Variants in PPM1E observed in about 807,000 individuals in gnomAD.
The protein encoded by PPM1E is protein phosphatase 1E.
In PPM1E, 20 loss-of-function variants were observed where a neutral mutation model predicts 65.9. The observed-to-expected ratio is 0.30, with a 90% CI of 0.21 to 0.44. PPM1E has a LOEUF of 0.44. Ranked by LOEUF, PPM1E falls within the 20% of genes least tolerant of loss-of-function variation. The pLI is 1.00. For synonymous variants in PPM1E, 352 were observed against 374.9 expected, an observed-to-expected ratio of 0.94 and a Z score of 0.70; for missense variants, 713 against 953.1, an observed-to-expected ratio of 0.75 and a Z score of 3.32.
chr17:58,850,145 C>G (rs575085865), intron 1 of PPM1E, among the ~76,000 whole-genome samples: 1 of 152,066 alleles, frequency 6.6e-6, no homozygotes, highest in South Asian at 2.1e-4. Flanking sequence ...CTTCCTCCAT[C>G]CCTTTATTTT....
chr17:58,872,788 T>C (rs2051085662), intron 1 of PPM1E, among the ~76,000 whole-genome samples: 1 of 152,098 alleles, frequency 6.6e-6, no homozygotes, highest in African/African-American at 2.4e-5. Flanking sequence ...TTTCCATTTA[T>C]ATAGGCAGTT....
rs1330372176 is a variant in PPM1E at position 58,809,710 on chromosome 17, CTG to C, written c.464+53251_464+53252del. Among the ~76,000 whole-genome samples, 8 of 152,176 alleles carry C rather than the reference CTG, an allele frequency of 5.3e-5. No homozygotes were observed. In the East Asian group the frequency reaches 1.5e-3, roughly 29 times the overall value. ...CCTCATTTTTTTCATTGCCACTTAT[CTG>C]TTGAAGAAACCAGATCATTTGTTGG... On this transcript the variant is annotated intron_variant, in intron 1 of 6. Transcript: ENST00000308249.
chr17:58,830,688 T>A (rs951693041), intron 1 of PPM1E, among the ~76,000 whole-genome samples: 7 of 151,872 alleles, frequency 4.6e-5, no homozygotes, highest in Admixed American at 6.6e-5. Flanking sequence ...TTTTTTATTT[T>A]TTATTATTAT....
chr17:58,905,846 G>T (rs907973850), intron 1 of PPM1E, among the ~76,000 whole-genome samples: 1 of 152,088 alleles, frequency 6.6e-6, no homozygotes, highest in African/African-American at 2.4e-5. Flanking sequence ...ATGAGTAATG[G>T]TAGTCTCAGA....
At chr17:58,810,197 G>C (rs958101636) in intron 1 of PPM1E, among the ~76,000 whole-genome samples, 1 of 151,910 alleles carries the variant, frequency 6.6e-6, no homozygotes, top group Non-Finnish European at 1.5e-5. Flanking sequence ...TTCATATGTG[G>C]TGCTGTGTAC....
Position 58,844,287 on chromosome 17 carries a change from TA to T in PPM1E, c.464+87834del, listed in dbSNP as rs200155264. Among the ~76,000 whole-genome samples the T allele has an allele frequency of 9.1e-3, 1,384 of 151,956 alleles. 15 individuals carry two copies. Among genetic ancestry groups the T allele is most frequent in the African/African-American group, 0.021 (881 of 41,466 alleles). ...TTAAAAGTTACCAATGTTTCTGGTATAAAAAAAATTATAACTAATTGTAATT... is the reference window on the plus strand; with the variant it reads ...TTAAAAGTTACCAATGTTTCTGGTATAAAAAAATTATAACTAATTGTAATT... On this transcript the variant is annotated intron_variant, in intron 1 of 6. Transcript: ENST00000308249.
intron 1 of PPM1E, among the ~76,000 whole-genome samples, chr17:58,872,622 T>C (rs577139877): frequency 9.2e-5 from 14 of 152,342 alleles, no homozygotes; most frequent in Non-Finnish European, 1.8e-4. Flanking sequence ...GTGGGCTGGT[T>C]GCTGAAGGGT....
intron 1 of PPM1E, among the ~76,000 whole-genome samples, chr17:58,796,236 G>A (rs1253955885): frequency 6.6e-6 from 1 of 152,124 alleles, no homozygotes; most frequent in Non-Finnish European, 1.5e-5. Context: ...TAGAGACAGG[G>A]TCTCATTATG....
intron 1 of PPM1E, among the ~76,000 whole-genome samples, chr17:58,912,140 G>T (rs1022577752): frequency 2.0e-5 from 3 of 152,156 alleles, no homozygotes; most frequent in Admixed American, 1.3e-4. Flanking sequence ...AAGGGAGGGA[G>T]GGGGTAGGAG....
intron 2 of PPM1E, 65 bp downstream of exon 2, chr17:58,955,832 A>T: frequency 2.1e-6 from 3 of 1,459,892 alleles, no homozygotes; most frequent in Non-Finnish European, 2.7e-6. Flanking sequence ...TGGTCCACAG[A>T]AAATATCTGC....
chr17:58,948,726 G>C (rs1206782107), intron 1 of PPM1E, among the ~76,000 whole-genome samples: 3 of 152,098 alleles, frequency 2.0e-5, no homozygotes, highest in Non-Finnish European at 4.4e-5. Context: ...GTTTTCATTT[G>C]TTTCAAGGAA....
At chr17:58,903,589 A>G (rs1321749281) in intron 1 of PPM1E, among the ~76,000 whole-genome samples, 3 of 152,246 alleles carry the variant, frequency 2.0e-5, no homozygotes, top group Non-Finnish European at 2.9e-5. Flanking sequence ...TGGAGAACAA[A>G]TGAAAATTAA....
At chr17:58,950,865 G>A (rs963713909) in intron 1 of PPM1E, among the ~76,000 whole-genome samples, 3 of 145,148 alleles carry the variant, frequency 2.1e-5, no homozygotes, top group South Asian at 2.2e-4. Flanking sequence ...TGCAAGCTCC[G>A]CCTCCTGGGT....
chr17:58,925,949 A>T (rs1217022680), intron 1 of PPM1E, among the ~76,000 whole-genome samples: 1 of 152,160 alleles, frequency 6.6e-6, no homozygotes, highest in Non-Finnish European at 1.5e-5. Context: ...CATTCTCATC[A>T]ACAGTGTATG....
Position 58,953,824 on chromosome 17 carries a change from C to T in PPM1E, c.465-1825C>T, listed in dbSNP as rs142552683. 3.9e-4 allele frequency among the ~76,000 whole-genome samples: 59 copies of T among 151,678 alleles called. 1 individual carries two copies. In the East Asian group the frequency reaches 0.01, roughly 26 times the overall value. ...GTGCAATGGCACGATCTCGGCTCACCGCAACCTCCGCCTCCTGGGTTCAAG... is the reference window on the plus strand; with the variant it reads ...GTGCAATGGCACGATCTCGGCTCACTGCAACCTCCGCCTCCTGGGTTCAAG... On this transcript the variant is annotated intron_variant, in intron 1 of 6. Transcript: ENST00000308249.
intron 6 of PPM1E, 23 bp from the exon 7 acceptor site, chr17:58,979,951 C>G (rs1284680022): frequency 6.3e-7 from 1 of 1,581,560 alleles, no homozygotes; most frequent in Non-Finnish European, 8.6e-7. Context: ...GCTAATGATG[C>G]CCCTACACTC....
intron 1 of PPM1E, among the ~76,000 whole-genome samples, chr17:58,851,867 T>C (rs1415453874): frequency 2.0e-5 from 3 of 152,238 alleles, no homozygotes; most frequent in Non-Finnish European, 4.4e-5. Flanking sequence ...AGCTATGCCC[T>C]GCTCCCAGAG....
At chr17:58,893,728 A>G (rs1193426306) in intron 1 of PPM1E, among the ~76,000 whole-genome samples, 1 of 151,340 alleles carries the variant, frequency 6.6e-6, no homozygotes, top group Non-Finnish European at 1.5e-5. Context: ...TTATATGGGA[A>G]CTCTCTGTAC....
chr17:58,872,213 C>T (rs894810763), intron 1 of PPM1E, among the ~76,000 whole-genome samples: 10 of 152,058 alleles, frequency 6.6e-5, no homozygotes, highest in African/African-American at 2.4e-4. Flanking sequence ...AGGAGAATTG[C>T]TTGAACCCAG....
Sources: allele counts gnomAD v4.1 joint callset (sites outside exome capture counted in the v4.1 genomes callset), GRCh38; gene constraint gnomAD v4.1.1; transcripts MANE v1.5; gene names NCBI Gene and HGNC (gene_info 2026-07-23, HGNC 2026-07-21).